Variants in TMEM268 observed in about 807,000 individuals in gnomAD.
The protein encoded by TMEM268 is transmembrane protein C9orf91.
TMEM268 carries 24 observed loss-of-function variants against 39.1 expected under a neutral mutation model. That is an observed-to-expected ratio of 0.61 (90% CI 0.44 to 0.86). The LOEUF (loss-of-function observed/expected upper bound fraction) is 0.86, where lower values mean the gene tolerates loss of function less well. TMEM268 is among the 40% of genes least tolerant of loss of function. The probability of loss-of-function intolerance (pLI) is 0.00; values close to 1 mark genes in which losing one functional copy is unlikely to be tolerated. For missense variants in TMEM268, 409 were observed against 428.6 expected, an observed-to-expected ratio of 0.95 and a Z score of 0.40; for synonymous variants, 176 against 173.5, an observed-to-expected ratio of 1.01 and a Z score of -0.12.
intron 2 of TMEM268, among the ~76,000 whole-genome samples, chr9:114,620,540 T>C (rs1589334314): frequency 6.6e-6 from 1 of 152,270 alleles, no homozygotes; most frequent in East Asian, 1.9e-4. Flanking sequence ...TGAGCCACCA[T>C]GCCTGGCCAG....
At chr9:114,628,727 T>C (rs2133658914) in intron 5 of TMEM268, among the ~76,000 whole-genome samples, 1 of 152,240 alleles carries the variant, frequency 6.6e-6, no homozygotes, top group Non-Finnish European at 1.5e-5. Context: ...ATCCCAGCAA[T>C]GACCTTTGAG....
rs1045673909 is a variant in TMEM268, at chr9:114,644,057, T to C, written c.*744T>C. 1 of 152,258 alleles carries C rather than the reference T, an allele frequency of 6.6e-6. No individual in the cohort carries two copies. Among genetic ancestry groups the C allele is most frequent in the Non-Finnish European group, 1.5e-5 (1 of 68,046 alleles). The allele number at this position is 152,258 out of a possible 1,614,324, so 9.4% of individuals were successfully genotyped here. On this transcript the variant is annotated 3_prime_UTR_variant, in exon 9 of 9. Transcript: ENST00000288502. ...GCATGCACGCTTGTGGTTGTGGTTT[T>C]ATATTACAGATGTAGAACAATGGTT... is the stretch of plus-strand genomic sequence containing the variant.
At chr9:114,606,234 A>G (rs914383799), upstream of TMEM268, among the ~76,000 whole-genome samples, 2 of 152,088 alleles carry the variant, frequency 1.3e-5, no homozygotes, top group Non-Finnish European at 2.9e-5. Context: ...GTAGAAACAG[A>G]TCCCTGACCC....
chr9:114,617,012 G>A (rs1370759876), intron 1 of TMEM268, 106 bp from the exon 2 acceptor site: 2 of 494,752 alleles, frequency 4.0e-6, no homozygotes, highest in Non-Finnish European at 7.3e-6. Context: ...AAGAGTCCGG[G>A]TAACTCTCCC....
chr9:114,631,057 T>C (rs905960084), intron 5 of TMEM268, among the ~76,000 whole-genome samples: 6 of 152,138 alleles, frequency 3.9e-5, no homozygotes, highest in Non-Finnish European at 5.9e-5. Context: ...CTCACACTTA[T>C]AATCCCAGTA....
At chr9:114,636,958 G>A (rs1417638363) in intron 6 of TMEM268, 32 bp from the exon 7 acceptor site, 1 of 1,520,670 alleles carries the variant, frequency 6.6e-7, no homozygotes, top group East Asian at 2.3e-5. Context: ...CTGCCCTTGA[G>A]CCACGGTGGT....
intron 2 of TMEM268, among the ~76,000 whole-genome samples, chr9:114,621,058 C>G (rs1367770549): frequency 6.6e-6 from 1 of 152,136 alleles, no homozygotes; most frequent in Admixed American, 6.5e-5. Context: ...CTTTTCCTCT[C>G]TGGGTGCAGT....
chr9:114,637,733 A>G lies in TMEM268; in HGVS notation c.666+663A>G, dbSNP rs1013432998. 2.6e-5 allele frequency among the ~76,000 whole-genome samples: 4 copies of G among 152,294 alleles called. No individual in the cohort carries two copies. The East Asian group carries it at 7.7e-4, about 29-fold the overall frequency. Reference sequence around the variant, plus strand: ...GAGGGATCTTGCTCTGCTTCTACAGAGGAGGAAACAGGCTCCGGGATGACC... The same window carrying G: ...GAGGGATCTTGCTCTGCTTCTACAGGGGAGGAAACAGGCTCCGGGATGACC... On this transcript the variant is annotated intron_variant, in intron 7 of 8. Coordinates refer to ENST00000288502, the MANE Select transcript of TMEM268 (RefSeq NM_153045.4).
chr9:114,628,991 T>G (rs2133660103), intron 5 of TMEM268, among the ~76,000 whole-genome samples: 1 of 152,328 alleles, frequency 6.6e-6, no homozygotes, highest in Non-Finnish European at 1.5e-5. Flanking sequence ...CCTTCGACAT[T>G]AAATCTGGGT....
At chr9:114,604,556 A>G in the TMEM268 span, among the ~76,000 whole-genome samples, 2 of 138,324 alleles carry the variant, frequency 1.4e-5, no homozygotes, top group African/African-American at 5.5e-5. Flanking sequence ...ACTGCACTCC[A>G]GCCTGAGTGA....
Position 114,631,306 on chromosome 9 carries a change from AG to A in TMEM268, c.475-2461del, listed in dbSNP as rs1278082026. Among the ~76,000 whole-genome samples the A allele has an allele frequency of 3.5e-5, 5 of 143,274 alleles. No individual in the cohort carries two copies. In the East Asian group the frequency reaches 1.0e-3, roughly 29 times the overall value. The allele number at this position is 143,274 out of a possible 152,430, so 94.0% of individuals were successfully genotyped here. A position where few individuals can be genotyped will look rare whatever the true frequency, so the allele number is the denominator to read the frequency against. Reference sequence around the variant, plus strand: ...TCAAAAAAAAAAAAAAAAAAAAAAAAGATTGGCTGGTTTGTAAAGGCAGGCA... The same window carrying A: ...TCAAAAAAAAAAAAAAAAAAAAAAAAATTGGCTGGTTTGTAAAGGCAGGCA... On this transcript the variant is annotated intron_variant, in intron 5 of 8. Transcript: ENST00000288502.
At chr9:114,634,172 G>C (rs1269899783) in intron 6 of TMEM268, among the ~76,000 whole-genome samples, 1 of 152,192 alleles carries the variant, frequency 6.6e-6, no homozygotes, top group Non-Finnish European at 1.5e-5. Context: ...AGCCTCCTCT[G>C]TGCTGTGCCC....
chr9:114,628,716 A>G (rs991116379), intron 5 of TMEM268, among the ~76,000 whole-genome samples: 2 of 152,082 alleles, frequency 1.3e-5, no homozygotes, highest in African/African-American at 2.4e-5. Context: ...TCATGTCTCT[A>G]ATCCCAGCAA....
Position 114,630,279 on chromosome 9 carries a change from T to TATCC in TMEM268, c.474+2063_474+2066dup, listed in dbSNP as rs57970569. On this transcript the variant is annotated intron_variant, in intron 5 of 8. Transcript: ENST00000288502. ...ATTTACTGTTCCAACAATATATATCTATCCATCCATCCATCCATCCATCCA... is the reference window on the plus strand; with the variant it reads ...ATTTACTGTTCCAACAATATATATCTATCCATCCATCCATCCATCCATCCATCCA... Among the ~76,000 whole-genome samples the TATCC allele has an allele frequency of 9.4e-3, 1,400 of 148,212 alleles. 22 individuals are homozygous for TATCC. The highest frequency in any genetic ancestry group is 0.03 in the African/African-American group (1,181 of 39,840).
intron 5 of TMEM268, among the ~76,000 whole-genome samples, chr9:114,632,545 C>T (rs1320529585): frequency 1.3e-5 from 2 of 152,178 alleles, no homozygotes; most frequent in African/African-American, 4.8e-5. Context: ...CATCCACTCT[C>T]CCAGCTGAAT....
upstream of TMEM268, among the ~76,000 whole-genome samples, chr9:114,610,562 G>GA (rs1218742950): frequency 6.6e-6 from 1 of 152,162 alleles, no homozygotes; most frequent in East Asian, 1.9e-4. Context: ...GTGCTCTAAG[G>GA]AAAAATACAA....
At chr9:114,617,680 C>G (rs756099990) in intron 2 of TMEM268, among the ~76,000 whole-genome samples, 6 of 152,162 alleles carry the variant, frequency 3.9e-5, no homozygotes, top group Non-Finnish European at 8.8e-5. Context: ...AAGTAATCCT[C>G]CCACCTCAGC....
upstream of TMEM268, among the ~76,000 whole-genome samples, chr9:114,609,733 AG>A (rs1554755159): frequency 1.9e-3 from 192 of 101,210 alleles, 1 homozygote; most frequent in African/African-American, 7.9e-3. Flanking sequence ...AAGAAAAAGA[AG>A]GAAGGAAGGA....
rs1283618349 is a variant in TMEM268, at chr9:114,611,512, C to G, written c.-131C>G. 1.2e-5 allele frequency: 2 copies of G among 162,716 alleles called. No individual in the cohort carries two copies. Among genetic ancestry groups the G allele is most frequent in the African/African-American group, 5.0e-5 (2 of 40,110 alleles). 10.1% of individuals were successfully genotyped at this position (162,716 alleles called of 1,614,324 possible). On this transcript the variant is annotated 5_prime_UTR_variant, in exon 1 of 9. Coordinates refer to ENST00000288502, the MANE Select transcript of TMEM268 (RefSeq NM_153045.4). ...CTGCGGCATTAGGGGCTCGGCGCCC[C>G]CGACCTTCCGCGTCCCGGGGTGGCG...
Sources: allele counts gnomAD v4.1 joint callset (sites outside exome capture counted in the v4.1 genomes callset), GRCh38; gene constraint gnomAD v4.1.1; transcripts MANE v1.5; gene names NCBI Gene and HGNC (gene_info 2026-07-23, HGNC 2026-07-21).